Variants in PXN observed in about 807,000 individuals in gnomAD.
The protein encoded by PXN is testicular tissue protein Li 134.
A neutral mutation model predicts 103.6 loss-of-function variants in PXN; 61 were observed. That is an observed-to-expected ratio of 0.59 (90% CI 0.48 to 0.73). The LOEUF (loss-of-function observed/expected upper bound fraction) is 0.73. PXN is among the 30% of genes least tolerant of loss of function. The pLI is 0.00. For missense variants in PXN, 1,274 were observed against 1,460.3 expected, an observed-to-expected ratio of 0.87 and a Z score of 2.08; for synonymous variants, 562 against 607.8, an observed-to-expected ratio of 0.92 and a Z score of 1.11.
In PXN at chr12:120,228,280, G is replaced by GCT. The variant is rs1011691440; in HGVS notation, c.14-3905_14-3904dup. Among the ~76,000 whole-genome samples the GCT allele has an allele frequency of 2.0e-5, 3 of 152,202 alleles. No homozygotes were observed. The highest frequency in any genetic ancestry group is 2.0e-4 in the Admixed American group (3 of 15,282). ...GACCCAAGTCACCCTGAAGGAGGAAGCTCTCTCTCTGGGGCTTCCCAACCA... is the reference window on the plus strand; with the variant it reads ...GACCCAAGTCACCCTGAAGGAGGAAGCTCTCTCTCTCTGGGGCTTCCCAACCA... On this transcript the variant is annotated intron_variant, in intron 1 of 14. Coordinates refer to ENST00000637617, the MANE Select transcript of PXN (RefSeq NM_001385981.1). This position sits in a 1 kb window ranked among gnomAD's most constrained non-coding sequence, Gnocchi z 4.7.
intron 1 of PXN, among the ~76,000 whole-genome samples, chr12:120,255,635 A>C (rs1000634217): frequency 5.9e-5 from 9 of 152,136 alleles, no homozygotes; most frequent in African/African-American, 2.2e-4. Flanking sequence ...CGGAGGTTGC[A>C]GTGAGCCAAG....
At chr12:120,230,544 G>A (rs1052588012) in intron 1 of PXN, among the ~76,000 whole-genome samples, 17 of 152,130 alleles carry the variant, frequency 1.1e-4, no homozygotes, top group Non-Finnish European at 2.5e-4. Flanking sequence ...AGCAGGACCA[G>A]CTCAGGGATG....
rs150827364 is a variant in PXN, at chr12:120,219,065, G to A, written c.1716+142C>T. On this transcript the variant is annotated intron_variant, in intron 7 of 14. Coordinates refer to ENST00000637617, the MANE Select transcript of PXN (RefSeq NM_001385981.1). This position sits in a 1 kb window ranked among gnomAD's most constrained non-coding sequence, Gnocchi z 6.5. ...CAGAGCCCACTGCCAAGTGCTGACT[G>A]TCAGGTCCGGCCACAGTGTCTCAGC... The A allele has an allele frequency of 2.6e-5, 24 of 917,404 alleles. No individual in the cohort carries two copies. The East Asian group carries it at 6.2e-4, about 24-fold the overall frequency. The allele number at this position is 917,404 out of a possible 1,614,324, so 56.8% of individuals were successfully genotyped here.
intron 1 of PXN, among the ~76,000 whole-genome samples, chr12:120,260,827 C>T (rs555475044): frequency 6.6e-6 from 1 of 152,170 alleles, no homozygotes; most frequent in South Asian, 2.1e-4. Context: ...ATTAGCGGGG[C>T]GTTACGGCAT....
At position 120,217,982 on chromosome 12, in the gene PXN, G is replaced by A. The variant is rs1167064773; in HGVS notation, c.1717-866C>T. 6.7e-6 allele frequency among the ~76,000 whole-genome samples: 1 copy of A among 149,608 alleles called. No homozygotes were observed. The highest frequency in any genetic ancestry group is 2.5e-5 in the African/African-American group (1 of 40,664). On this transcript the variant is annotated intron_variant, in intron 7 of 14. Transcript: ENST00000637617. The surrounding 1 kb of genome is among the most constrained non-coding windows in gnomAD (Gnocchi z 4.1). Reference sequence around the variant, plus strand: ...TATTATGCTATTATACTTGTTGGTAGTGTTTTGGGGGTTTTTGGTTGTTTC... The same window carrying A: ...TATTATGCTATTATACTTGTTGGTAATGTTTTGGGGGTTTTTGGTTGTTTC...
chr12:120,233,590 G>A (rs917739029), intron 1 of PXN, among the ~76,000 whole-genome samples: 7 of 152,178 alleles, frequency 4.6e-5, no homozygotes, highest in South Asian at 2.1e-4. Context: ...ACAAGCATAA[G>A]CCACTGTGCC....
intron 1 of PXN, among the ~76,000 whole-genome samples, chr12:120,243,502 C>G (rs190759594): frequency 1.2e-4 from 18 of 152,212 alleles, no homozygotes; most frequent in African/African-American, 4.1e-4. Context: ...CCAGACTGGG[C>G]AACACAGCAA....
chr12:120,228,397 C>G lies in PXN; in HGVS notation c.14-4020G>C, dbSNP rs562892878. 6.6e-6 allele frequency among the ~76,000 whole-genome samples: 1 copy of G among 152,260 alleles called. No homozygotes were observed. Among genetic ancestry groups the G allele is most frequent in the Non-Finnish European group, 1.5e-5 (1 of 68,010 alleles). On this transcript the variant is annotated intron_variant, in intron 1 of 14. Coordinates refer to ENST00000637617, the MANE Select transcript of PXN (RefSeq NM_001385981.1). This position sits in a 1 kb window ranked among gnomAD's most constrained non-coding sequence, Gnocchi z 4.7. ...AACATGAGGAGGTAGGCCAGGCTGT[C>G]TCGAGGCTGAGGGCAGGCTAGGTGC... is the stretch of plus-strand genomic sequence containing the variant.
Position 120,225,877 on chromosome 12 carries a change from G to C in PXN, c.14-1500C>G, listed in dbSNP as rs780792233. On this transcript the variant is annotated intron_variant, in intron 1 of 14. Transcript: ENST00000637617. The surrounding 1 kb of genome is among the most constrained non-coding windows in gnomAD (Gnocchi z 4.4). ...ACACCTTGTCCCAGCTGCCTGTCCT[G>C]ATCTCCTACCCTCAAGGCTGGCCAC... 4 of 193,402 alleles carry C rather than the reference G, an allele frequency of 2.1e-5. No individual in the cohort carries two copies. Among genetic ancestry groups the C allele is most frequent in the African/African-American group, 9.5e-5 (4 of 42,284 alleles). The allele number at this position is 193,402 out of a possible 1,614,324, so 12.0% of individuals were successfully genotyped here. A position where few individuals can be genotyped will look rare whatever the true frequency, so the allele number is the denominator to read the frequency against.
intron 1 of PXN, among the ~76,000 whole-genome samples, chr12:120,246,648 A>G (rs1891202767): frequency 6.6e-6 from 1 of 151,890 alleles, no homozygotes; most frequent in African/African-American, 2.4e-5. Flanking sequence ...AGATCAGGAG[A>G]TCGAGACCAT....
At chr12:120,248,617 CAG>C (rs1891614102) in intron 1 of PXN, 2 of 152,226 alleles carry the variant, frequency 1.3e-5, no homozygotes, top group Admixed American at 1.3e-4. Flanking sequence ...GGAATCAGAA[CAG>C]AGTCTACAAT....
intron 1 of PXN, among the ~76,000 whole-genome samples, chr12:120,235,907 G>A (rs1888945829): frequency 6.6e-6 from 1 of 152,164 alleles, no homozygotes; most frequent in African/African-American, 2.4e-5. Flanking sequence ...CTCTGACCTC[G>A]CAGAGATGAC....
At position 120,212,506 on chromosome 12, in the gene PXN, G is replaced by A. The variant is rs548963687; in HGVS notation, c.3054C>T (p.His1018=). Residue 1018 remains histidine, a synonymous_variant, in exon 15 of 15, where the codon CAC becomes CAT. Transcript: ENST00000637617. The surrounding 1 kb of genome is among the most constrained non-coding windows in gnomAD (Gnocchi z 7.2). ...DGQPYCEVHY[H]ERRGSLCSGC... ...CAGAACACAGCGAGCCGCGCCGCTC[G>A]TGGTAGTGCACCTCACAGTAGGGCT... 1.5e-5 allele frequency: 24 copies of A among 1,613,948 alleles called. No individual in the cohort carries two copies. The highest frequency in any genetic ancestry group is 8.3e-5 in the Admixed American group (5 of 60,026).
chr12:120,258,813 A>G (rs1426237639), intron 1 of PXN, among the ~76,000 whole-genome samples: 4 of 152,144 alleles, frequency 2.6e-5, no homozygotes, highest in Non-Finnish European at 5.9e-5. Flanking sequence ...TAATCTCAGC[A>G]CTTTGGGAGG....
rs1450833385 is a variant in PXN, at chr12:120,220,706, G to A, written c.832-615C>T. On this transcript the variant is annotated intron_variant, in intron 6 of 14. Coordinates refer to ENST00000637617, the MANE Select transcript of PXN (RefSeq NM_001385981.1). This position sits in a 1 kb window ranked among gnomAD's most constrained non-coding sequence, Gnocchi z 6.1. ...CATGGCTGCTCAGAACCACTGGCCT[G>A]GAGCTGGAACTATAGCACGCAAGGG... Among the ~76,000 whole-genome samples, 1 of 152,170 alleles carries A rather than the reference G, an allele frequency of 6.6e-6. No individual in the cohort carries two copies. The highest frequency in any genetic ancestry group is 1.5e-5 in the Non-Finnish European group (1 of 68,028).
At position 120,227,143 on chromosome 12, in the gene PXN, A is replaced by G. The variant is rs2136372635; in HGVS notation, c.14-2766T>C. ...CTTGAAAAGAAAAGAAAAGTAATAA[A>G]GTAACATTCAAATTGTAGCATGTCC... On this transcript the variant is annotated intron_variant, in intron 1 of 14. Transcript: ENST00000637617. 14 of 987,070 alleles carry G rather than the reference A, an allele frequency of 1.4e-5. No homozygotes were observed. In the South Asian group the frequency reaches 5.9e-4, roughly 42 times the overall value. The allele number at this position is 987,070 out of a possible 1,614,324, so 61.1% of individuals were successfully genotyped here. A position where few individuals can be genotyped will look rare whatever the true frequency, so the allele number is the denominator to read the frequency against.
rs1214842893 is a variant in PXN at position 120,228,439 on chromosome 12, C to T, written c.14-4062G>A. ...GCTAGGTGCAAAGTCCCCAGCGAGC[C>T]ATGGGCAAAGGCCACGGAGCTATGT... is the stretch of plus-strand genomic sequence containing the variant. On this transcript the variant is annotated intron_variant, in intron 1 of 14. Transcript: ENST00000637617. This position sits in a 1 kb window ranked among gnomAD's most constrained non-coding sequence, Gnocchi z 4.7. Among the ~76,000 whole-genome samples, 53 of 152,240 alleles carry T rather than the reference C, an allele frequency of 3.5e-4. No homozygotes were observed. Among genetic ancestry groups the T allele is most frequent in the Admixed American group, 3.5e-3 (53 of 15,286 alleles).
rs1192358624 is a variant in PXN, at chr12:120,217,359, C to A, written c.1717-243G>T. 6.6e-6 allele frequency among the ~76,000 whole-genome samples: 1 copy of A among 152,108 alleles called. No homozygotes were observed. The highest frequency in any genetic ancestry group is 1.5e-5 in the Non-Finnish European group (1 of 68,026). Reference sequence around the variant, plus strand: ...GCTGCGAGCGAGACCTCTGACCCAGCATTCACCTCTAAGTTGGCCACTGAC... The same window carrying A: ...GCTGCGAGCGAGACCTCTGACCCAGAATTCACCTCTAAGTTGGCCACTGAC... On this transcript the variant is annotated intron_variant, in intron 7 of 14. Transcript: ENST00000637617. This position sits in a 1 kb window ranked among gnomAD's most constrained non-coding sequence, Gnocchi z 4.1.
At chr12:120,263,230 G>A (rs1237261482) in intron 1 of PXN, among the ~76,000 whole-genome samples, 9 of 151,844 alleles carry the variant, frequency 5.9e-5, no homozygotes, top group Non-Finnish European at 1.2e-4. Context: ...GTGCTGAGCC[G>A]CCATCCAGAC....
Sources: allele counts gnomAD v4.1 joint callset (sites outside exome capture counted in the v4.1 genomes callset), GRCh38; gene constraint gnomAD v4.1.1; non-coding constraint Gnocchi (gnomAD v3.1); transcripts MANE v1.5; gene names NCBI Gene and HGNC (gene_info 2026-07-23, HGNC 2026-07-21).